JUNB: variants seen among roughly 807,000 people sequenced by gnomAD.
JUNB encodes transcription factor JunB.
JUNB carries 6 observed loss-of-function variants against 16.4 expected under a neutral mutation model. The observed-to-expected ratio is 0.37, with a 90% confidence interval of 0.20 to 0.72. The LOEUF (loss-of-function observed/expected upper bound fraction) is 0.72, where lower values mean the gene tolerates loss of function less well. Among genes scored for constraint, JUNB ranks in the 30% least tolerant of loss-of-function variants. JUNB has a pLI of 0.53. For missense variants in JUNB, 389 were observed against 492.9 expected, an observed-to-expected ratio of 0.79 and a Z score of 2.00; for synonymous variants, 226 against 232.8, an observed-to-expected ratio of 0.97 and a Z score of 0.27.
In JUNB at chr19:12,792,686, C is replaced by T. The variant is rs1006092655; in HGVS notation, c.915C>T (p.Ala305=). 2.5e-6 allele frequency: 4 copies of T among 1,587,670 alleles called. No individual in the cohort carries two copies. In the East Asian group the frequency reaches 7.0e-5, roughly 28 times the overall value. ...RLEDKVKTLK[A]ENAGLSSTAG... ...AGGACAAGGTGAAGACGCTCAAGGC[C>T]GAGAACGCGGGGCTGTCGAGTACCG... The change falls in exon 1 of 1, where the codon GCC becomes GCT. Residue 305 remains alanine, a synonymous_variant. Transcript: ENST00000302754.
chr19:12,791,588 C>A lies in JUNB; in HGVS notation c.-184C>A. The A allele has an allele frequency of 1.9e-6, 1 of 517,738 alleles. No individual in the cohort carries two copies. Among genetic ancestry groups the A allele is most frequent in the Non-Finnish European group, 3.4e-6 (1 of 297,050 alleles). 32.1% of individuals were successfully genotyped at this position (517,738 alleles called of 1,614,324 possible). ...ATCGCGCCAGAGAGGGCGACGGGGG[C>A]TCGGGAAGCCTGACAGGGCTTTTGC... is the stretch of plus-strand genomic sequence containing the variant. On this transcript the variant is annotated 5_prime_UTR_variant, in exon 1 of 1. Coordinates refer to ENST00000302754, the MANE Select transcript of JUNB (RefSeq NM_002229.3). This position sits in a 1 kb window ranked among gnomAD's most constrained non-coding sequence, Gnocchi z 7.0.
chr19:12,792,542 G>T lies in JUNB; in HGVS notation c.771G>T (p.Pro257=), dbSNP rs1434466412. The part of the protein sequence containing the change: ...PEARSRDATP[P]VSPINMEDQE... Reference sequence around the variant, plus strand: ...CGCGCAGCCGGGACGCCACGCCGCCGGTGTCCCCCATCAACATGGAAGACC... The same window carrying T: ...CGCGCAGCCGGGACGCCACGCCGCCTGTGTCCCCCATCAACATGGAAGACC... The change falls in exon 1 of 1, where the codon CCG becomes CCT. Residue 257 remains proline, a synonymous_variant. Transcript: ENST00000302754. 1 of 1,569,634 alleles carries T rather than the reference G, an allele frequency of 6.4e-7. No homozygotes were observed.
In JUNB at chr19:12,791,946, G is replaced by A; in HGVS notation, c.175G>A (p.Gly59Ser). The change falls in exon 1 of 1, where the codon GGC becomes AGC. Residue 59 changes from glycine to serine, a missense_variant. Transcript: ENST00000302754. The surrounding 1 kb of genome is among the most constrained non-coding windows in gnomAD (Gnocchi z 7.0). ...CAAAGCGCCTGGGGCTCGCGGACCC[G>A]GCCCAGAGGGCGGCGGTGGCGGCAG... The part of the protein sequence containing the change: ...SLKAPGARGP[G>S]PEGGGGGSYF... The A allele has an allele frequency of 1.2e-6, 2 of 1,610,548 alleles. No homozygotes were observed. Among genetic ancestry groups the A allele is most frequent in the Non-Finnish European group, 1.7e-6 (2 of 1,179,228 alleles).
Position 12,792,494 on chromosome 19 carries a change from G to A in JUNB, c.723G>A (p.Glu241=). The change falls in exon 1 of 1, where the codon GAG becomes GAA. Residue 241 remains glutamate (E), a synonymous_variant. Transcript: ENST00000302754. The stretch of plus-strand genomic sequence containing the variant: ...GCCGCGGCGCCTCCACCTTCAAGGA[G>A]GAACCGCAGACCGTGCCGGAGGCGC... The part of the protein sequence containing the change: ...GLGRGASTFK[E]EPQTVPEARS... The A allele has an allele frequency of 1.3e-6, 2 of 1,583,542 alleles. No individual in the cohort carries two copies. The highest frequency in any genetic ancestry group is 1.7e-6 in the Non-Finnish European group (2 of 1,167,602).
chr19:12,791,677 C>A lies in JUNB; in HGVS notation c.-95C>A. ...CCCCGAGAACGCGCGACCAGGCACC[C>A]AGTCCGGTCACCGCAGCGGAGAGCT... On this transcript the variant is annotated 5_prime_UTR_variant, in exon 1 of 1. Coordinates refer to ENST00000302754, the MANE Select transcript of JUNB (RefSeq NM_002229.3). The surrounding 1 kb of genome is among the most constrained non-coding windows in gnomAD (Gnocchi z 7.0). 1.1e-6 allele frequency: 1 copy of A among 906,348 alleles called. No homozygotes were observed. The highest frequency in any genetic ancestry group is 2.0e-5 in the South Asian group (1 of 49,370). The allele number at this position is 906,348 out of a possible 1,614,324, so 56.1% of individuals were successfully genotyped here. A position where few individuals can be genotyped will look rare whatever the true frequency, so the allele number is the denominator to read the frequency against.
In JUNB at chr19:12,792,572, G is replaced by A. The variant is rs1265855058; in HGVS notation, c.801G>A (p.Glu267=). Residue 267 remains glutamate, a synonymous_variant, in exon 1 of 1, where the codon GAG becomes GAA. Coordinates refer to ENST00000302754, the MANE Select transcript of JUNB (RefSeq NM_002229.3). ...CCCCCATCAACATGGAAGACCAAGA[G>A]CGCATCAAAGTGGAGCGCAAGCGGC... is the stretch of plus-strand genomic sequence containing the variant. ...PVSPINMEDQ[E]RIKVERKRLR... is the part of the protein sequence containing the mutation. 2 of 1,567,728 alleles carry A rather than the reference G, an allele frequency of 1.3e-6. No individual in the cohort carries two copies. The highest frequency in any genetic ancestry group is 1.9e-5 in the Admixed American group (1 of 52,538).
At position 12,791,748 on chromosome 19, in the gene JUNB, C is replaced by A; in HGVS notation, c.-24C>A. The A allele has an allele frequency of 6.4e-7, 1 of 1,571,146 alleles. No individual in the cohort carries two copies. Among genetic ancestry groups the A allele is most frequent in the Non-Finnish European group, 8.7e-7 (1 of 1,153,426 alleles). On this transcript the variant is annotated 5_prime_UTR_variant, in exon 1 of 1. Transcript: ENST00000302754. This position sits in a 1 kb window ranked among gnomAD's most constrained non-coding sequence, Gnocchi z 7.0. ...CCCGGAGCGGCCCCGCAGGGACCCT[C>A]CCCAGACCGCCTGGGCCGCCCGGAT...
In JUNB at chr19:12,791,639, C is replaced by T; in HGVS notation, c.-133C>T. On this transcript the variant is annotated 5_prime_UTR_variant, in exon 1 of 1. Coordinates refer to ENST00000302754, the MANE Select transcript of JUNB (RefSeq NM_002229.3). This position sits in a 1 kb window ranked among gnomAD's most constrained non-coding sequence, Gnocchi z 7.0. ...GCACAGCTGCCGGCTGGCTGCTACC[C>T]GCCCGCGCCAGCCCCCGAGAACGCG... is the stretch of plus-strand genomic sequence containing the variant. The T allele has an allele frequency of 1.6e-6, 1 of 619,138 alleles. No individual in the cohort carries two copies. Among genetic ancestry groups the T allele is most frequent in the Non-Finnish European group, 2.6e-6 (1 of 381,862 alleles). 38.4% of individuals were successfully genotyped at this position (619,138 alleles called of 1,614,324 possible). A position where few individuals can be genotyped will look rare whatever the true frequency, so the allele number is the denominator to read the frequency against.
Position 12,793,179 on chromosome 19 carries a change from C to A in JUNB, c.*364C>A. ...AGGGGACCCCCGCCCCCTGCCCTCCCCTCTCTGCACCGTACTGTGGAAAAG... is the reference window on the plus strand; with the variant it reads ...AGGGGACCCCCGCCCCCTGCCCTCCACTCTCTGCACCGTACTGTGGAAAAG... On this transcript the variant is annotated 3_prime_UTR_variant, in exon 1 of 1. Coordinates refer to ENST00000302754, the MANE Select transcript of JUNB (RefSeq NM_002229.3). The surrounding 1 kb of genome is among the most constrained non-coding windows in gnomAD (Gnocchi z 6.1). The A allele has an allele frequency of 3.9e-6, 1 of 256,134 alleles. No homozygotes were observed. Among genetic ancestry groups the A allele is most frequent in the Non-Finnish European group, 8.2e-6 (1 of 121,272 alleles). 15.9% of individuals were successfully genotyped at this position (256,134 alleles called of 1,614,324 possible).
rs761956790 is a variant in JUNB at position 12,792,443 on chromosome 19, T to G, written c.672T>G (p.Gly224=). The stretch of plus-strand genomic sequence containing the variant: ...TCCCACACGCGCCGCCCTTCGCCGG[T>G]GGCCACCCGGCGCAGCTGGGCTTGG... ...SYLPHAPPFA[G]GHPAQLGLGR... Residue 224 remains glycine (G), a synonymous_variant, in exon 1 of 1, where the codon GGT becomes GGG. Coordinates refer to ENST00000302754, the MANE Select transcript of JUNB (RefSeq NM_002229.3). 2 of 1,601,728 alleles carry G rather than the reference T, an allele frequency of 1.2e-6. No homozygotes were observed. Among genetic ancestry groups the G allele is most frequent in the South Asian group, 2.2e-5 (2 of 90,402 alleles).
In JUNB at chr19:12,793,304, G is replaced by A. The variant is rs1286266944; in HGVS notation, c.*489G>A. On this transcript the variant is annotated 3_prime_UTR_variant, in exon 1 of 1. Coordinates refer to ENST00000302754, the MANE Select transcript of JUNB (RefSeq NM_002229.3). This position sits in a 1 kb window ranked among gnomAD's most constrained non-coding sequence, Gnocchi z 6.1. ...ATCTATTTAAGTAAAAAAAAAATTG[G>A]TTCTTTATTAATTTCTGTTGTCTTT... 2 of 167,492 alleles carry A rather than the reference G, an allele frequency of 1.2e-5. No homozygotes were observed. Among genetic ancestry groups the A allele is most frequent in the African/African-American group, 4.8e-5 (2 of 41,418 alleles). 10.4% of individuals were successfully genotyped at this position (167,492 alleles called of 1,614,324 possible).
In JUNB at chr19:12,792,966, A is replaced by T. The variant is rs933949560; in HGVS notation, c.*151A>T. ...ACTCCGGCCCTCCTACCCTGCGCCC[A>T]GTCCTTCCACCTCGACGTTTACAAG... On this transcript the variant is annotated 3_prime_UTR_variant, in exon 1 of 1. Coordinates refer to ENST00000302754, the MANE Select transcript of JUNB (RefSeq NM_002229.3). The T allele has an allele frequency of 3.8e-6, 3 of 787,248 alleles. No homozygotes were observed. Among genetic ancestry groups the T allele is most frequent in the Non-Finnish European group, 6.0e-6 (3 of 499,448 alleles). 48.8% of individuals were successfully genotyped at this position (787,248 alleles called of 1,614,324 possible).
At position 12,792,559 on chromosome 19, in the gene JUNB, T is replaced by C; in HGVS notation, c.788T>C (p.Met263Thr). 6.4e-7 allele frequency: 1 copy of C among 1,570,162 alleles called. No homozygotes were observed. The highest frequency in any genetic ancestry group is 8.6e-7 in the Non-Finnish European group (1 of 1,158,168). The part of the protein sequence containing the change: ...DATPPVSPIN[M>T]EDQERIKVER... Reference sequence around the variant, plus strand: ...ACGCCGCCGGTGTCCCCCATCAACATGGAAGACCAAGAGCGCATCAAAGTG... The same window carrying C: ...ACGCCGCCGGTGTCCCCCATCAACACGGAAGACCAAGAGCGCATCAAAGTG... The change falls in exon 1 of 1, where the codon ATG (methionine) becomes ACG (threonine). Residue 263 changes from methionine to threonine, a missense_variant. By Grantham distance (81) the Met-to-Thr change is moderately conservative. Around this residue, in one of 2 missense-constraint regions of JUNB, gnomAD observed 349 missense variants for 389.8 expected, o/e 0.90. Coordinates refer to ENST00000302754, the MANE Select transcript of JUNB (RefSeq NM_002229.3).
chr19:12,791,745 C>A lies in JUNB; in HGVS notation c.-27C>A. The A allele has an allele frequency of 6.5e-7, 1 of 1,547,536 alleles. No individual in the cohort carries two copies. On this transcript the variant is annotated 5_prime_UTR_variant, in exon 1 of 1. Transcript: ENST00000302754. This position sits in a 1 kb window ranked among gnomAD's most constrained non-coding sequence, Gnocchi z 7.0. ...AGGCCCGGAGCGGCCCCGCAGGGAC[C>A]CTCCCCAGACCGCCTGGGCCGCCCG...
chr19:12,792,938 T>C lies in JUNB; in HGVS notation c.*123T>C, dbSNP rs2036526092. The C allele has an allele frequency of 1.8e-6, 2 of 1,096,324 alleles. No homozygotes were observed. The highest frequency in any genetic ancestry group is 2.6e-6 in the Non-Finnish European group (2 of 774,462). The allele number at this position is 1,096,324 out of a possible 1,614,324, so 67.9% of individuals were successfully genotyped here. Reference sequence around the variant, plus strand: ...GACCTAGGGGCGCCGCAAACCACACTGGACTCCGGCCCTCCTACCCTGCGC... The same window carrying C: ...GACCTAGGGGCGCCGCAAACCACACCGGACTCCGGCCCTCCTACCCTGCGC... On this transcript the variant is annotated 3_prime_UTR_variant, in exon 1 of 1. Transcript: ENST00000302754.
In JUNB at chr19:12,792,403, C is replaced by A. The variant is rs746846753; in HGVS notation, c.632C>A (p.Thr211Asn). Residue 211 changes from threonine to asparagine, a missense_variant, in exon 1 of 1, where the codon ACC becomes AAC. Coordinates refer to ENST00000302754, the MANE Select transcript of JUNB (RefSeq NM_002229.3). ...GGGACCGGGAGCTCGTACCCGACGA[C>A]CACCATCAGCTACCTCCCACACGCG... ...AVGTGSSYPT[T>N]TISYLPHAPP... The A allele has an allele frequency of 6.2e-7, 1 of 1,600,294 alleles. No homozygotes were observed. The highest frequency in any genetic ancestry group is 2.2e-5 in the East Asian group (1 of 44,478).
chr19:12,792,877 G>T lies in JUNB; in HGVS notation c.*62G>T. Reference sequence around the variant, plus strand: ...GACGGCTGGGCACACGCCTCCCACTGGGGTCCAGGGAGCAGGCGGTGGGCA... The same window carrying T: ...GACGGCTGGGCACACGCCTCCCACTTGGGTCCAGGGAGCAGGCGGTGGGCA... On this transcript the variant is annotated 3_prime_UTR_variant, in exon 1 of 1. Coordinates refer to ENST00000302754, the MANE Select transcript of JUNB (RefSeq NM_002229.3). 6.5e-7 allele frequency: 1 copy of T among 1,528,042 alleles called. No homozygotes were observed. The highest frequency in any genetic ancestry group is 8.8e-7 in the Non-Finnish European group (1 of 1,131,996). The allele number at this position is 1,528,042 out of a possible 1,614,324, so 94.7% of individuals were successfully genotyped here. A position where few individuals can be genotyped will look rare whatever the true frequency, so the allele number is the denominator to read the frequency against.
chr19:12,791,917 G>C lies in JUNB; in HGVS notation c.146G>C (p.Ser49Thr), dbSNP rs758936159. 22 of 1,613,172 alleles carry C rather than the reference G, an allele frequency of 1.4e-5. No individual in the cohort carries two copies. In the South Asian group the frequency reaches 2.4e-4, roughly 18 times the overall value. The change falls in exon 1 of 1, where the codon AGT (serine) becomes ACT (threonine). Residue 49 changes from serine to threonine, a missense_variant. By Grantham distance (58) the Ser-to-Thr change is moderately conservative. Transcript: ENST00000302754. This position sits in a 1 kb window ranked among gnomAD's most constrained non-coding sequence, Gnocchi z 7.0. ...LAVNLADPYR[S>T]LKAPGARGPG... is the part of the protein sequence containing the mutation. ...GTCAACCTGGCCGACCCCTACCGGA[G>C]TCTCAAAGCGCCTGGGGCTCGCGGA...
In JUNB at chr19:12,792,663, G is replaced by A; in HGVS notation, c.892G>A (p.Asp298Asn). Residue 298 changes from aspartate (D) to asparagine (N), a missense_variant, in exon 1 of 1, where the codon GAC (aspartate) becomes AAC (asparagine). This residue lies in a region of JUNB where 40 missense variants were observed against 103.2 expected (regional missense o/e 0.39). Transcript: ENST00000302754. ...RKLERIARLE[D>N]KVKTLKAENA... ...GCTGGAGCGCATCGCGCGCCTGGAG[G>A]ACAAGGTGAAGACGCTCAAGGCCGA... 1 of 1,575,296 alleles carries A rather than the reference G, an allele frequency of 6.3e-7. No homozygotes were observed. Among genetic ancestry groups the A allele is most frequent in the Non-Finnish European group, 8.6e-7 (1 of 1,161,636 alleles).
Sources: allele counts gnomAD v4.1 joint callset, GRCh38; gene constraint gnomAD v4.1.1; regional missense constraint gnomAD v4.1.1; non-coding constraint Gnocchi (gnomAD v3.1); transcripts MANE v1.5; gene names NCBI Gene and HGNC (gene_info 2026-07-23, HGNC 2026-07-21).